Variants in CBLN2 observed in about 807,000 individuals in gnomAD.
The protein encoded by CBLN2 is cerebellin-2.
In CBLN2, 7 loss-of-function variants were observed where a neutral mutation model predicts 15.0. The observed-to-expected ratio is 0.47, with a 90% CI of 0.27 to 0.88. CBLN2 has a LOEUF of 0.88. Among genes scored for constraint, CBLN2 ranks in the 40% least tolerant of loss-of-function variants. CBLN2 has a pLI of 0.14. For synonymous variants in CBLN2, 149 were observed against 135.2 expected, an observed-to-expected ratio of 1.10 and a Z score of -0.71; for missense variants, 242 against 304.5, an observed-to-expected ratio of 0.79 and a Z score of 1.53.
chr18:72,606,284 C>T (rs1055431599), intron 1 of CBLN2, among the ~76,000 whole-genome samples: 2 of 152,204 alleles, frequency 1.3e-5, no homozygotes, highest in Non-Finnish European at 2.9e-5. Flanking sequence ...TCCAAAGCCA[C>T]TGTTATTACT....
At chr18:72,614,684 G>C (rs2069645287) in intron 1 of CBLN2, among the ~76,000 whole-genome samples, 1 of 152,058 alleles carries the variant, frequency 6.6e-6, no homozygotes, top group Non-Finnish European at 1.5e-5. Context: ...ACAAATCACT[G>C]ATTTAACATG....
chr18:72,543,375 T>TTC lies in CBLN2; in HGVS notation c.-167+109_-167+110dup. 1 of 394,658 alleles carries TTC rather than the reference T, an allele frequency of 2.5e-6. No individual in the cohort carries two copies. Among genetic ancestry groups the TTC allele is most frequent in the Non-Finnish European group, 4.5e-6 (1 of 223,618 alleles). The allele number at this position is 394,658 out of a possible 1,614,324, so 24.4% of individuals were successfully genotyped here. The stretch of plus-strand genomic sequence containing the variant: ...CAGCCCCGATCCTACATGATTTCCC[T>TTC]TCTCTCTCTCCACCTCCTCCACCCC... On this transcript the variant is annotated intron_variant, in intron 2 of 4. Coordinates refer to ENST00000269503, the MANE Select transcript of CBLN2 (RefSeq NM_182511.4). The surrounding 1 kb of genome is among the most constrained non-coding windows in gnomAD (Gnocchi z 6.8).
intron 1 of CBLN2, among the ~76,000 whole-genome samples, chr18:72,562,991 T>C (rs539795139): frequency 4.9e-4 from 74 of 152,344 alleles, no homozygotes; most frequent in African/African-American, 1.6e-3. Context: ...GTGGAAGTAA[T>C]ACCATTGTAA....
intron 1 of CBLN2, among the ~76,000 whole-genome samples, chr18:72,553,370 T>C (rs1034059258): frequency 1.3e-5 from 2 of 152,080 alleles, no homozygotes; most frequent in African/African-American, 2.4e-5. Context: ...CTTCTTTTTG[T>C]GGGCATAAAC....
At chr18:72,553,804 T>C (rs1301645586) in intron 1 of CBLN2, among the ~76,000 whole-genome samples, 3 of 152,206 alleles carry the variant, frequency 2.0e-5, no homozygotes, top group Admixed American at 6.5e-5. Context: ...GAAAACATTA[T>C]AGAGTGACAA....
intron 1 of CBLN2, among the ~76,000 whole-genome samples, chr18:72,621,503 C>T (rs2069700518): frequency 6.6e-6 from 1 of 152,008 alleles, no homozygotes; most frequent in South Asian, 2.1e-4. Context: ...TGTCTAAAAC[C>T]TTTTTGGATT....
upstream of CBLN2, among the ~76,000 whole-genome samples, chr18:72,548,271 A>G (rs1050159092): frequency 1.3e-5 from 2 of 152,242 alleles, no homozygotes; most frequent in South Asian, 2.1e-4. Flanking sequence ...CTGTTAATCC[A>G]AGTCAGAAGA....
intron 1 of CBLN2, among the ~76,000 whole-genome samples, chr18:72,622,709 T>A (rs1599027698): frequency 6.6e-6 from 1 of 152,310 alleles, no homozygotes; most frequent in East Asian, 1.9e-4. Context: ...AGCCTTATTT[T>A]GTGATTAAGA....
chr18:72,582,409 C>T (rs2069412131), intron 1 of CBLN2, among the ~76,000 whole-genome samples: 1 of 152,172 alleles, frequency 6.6e-6, no homozygotes, highest in Admixed American at 6.5e-5. Flanking sequence ...ATCACTCAAG[C>T]TGCCCCATAC....
At chr18:72,613,325 C>A (rs573320457) in intron 1 of CBLN2, among the ~76,000 whole-genome samples, 18 of 152,238 alleles carry the variant, frequency 1.2e-4, no homozygotes, top group African/African-American at 3.9e-4. Flanking sequence ...AGTGCCCAGA[C>A]CAGTGGGTTT....
chr18:72,554,750 C>T (rs998409868), intron 1 of CBLN2, among the ~76,000 whole-genome samples: 12 of 151,812 alleles, frequency 7.9e-5, no homozygotes, highest in African/African-American at 1.9e-4. Context: ...TCAATAAAAA[C>T]GTTAAAGAAA....
At chr18:72,585,459 G>C (rs762818784) in intron 1 of CBLN2, among the ~76,000 whole-genome samples, 1 of 152,188 alleles carries the variant, frequency 6.6e-6, no homozygotes, top group Non-Finnish European at 1.5e-5. Flanking sequence ...GCAGCACTCA[G>C]GGTAGAGGAA....
At chr18:72,546,427 G>A (rs2069158653), upstream of CBLN2, among the ~76,000 whole-genome samples, 3 of 150,604 alleles carry the variant, frequency 2.0e-5, no homozygotes, top group Non-Finnish European at 4.4e-5. Context: ...GTGACAGAGC[G>A]AGACGCTCTC....
chr18:72,562,815 C>T (rs778159185), intron 1 of CBLN2, among the ~76,000 whole-genome samples: 6 of 152,134 alleles, frequency 3.9e-5, no homozygotes, highest in Non-Finnish European at 5.9e-5. Context: ...AAGTTGGTTA[C>T]CTTAGTGATT....
Position 72,543,644 on chromosome 18 carries a change from C to G in CBLN2, c.-211-114G>C. 2.6e-6 allele frequency: 1 copy of G among 380,458 alleles called. No homozygotes were observed. The highest frequency in any genetic ancestry group is 4.5e-5 in the Admixed American group (1 of 22,098). The allele number at this position is 380,458 out of a possible 1,614,324, so 23.6% of individuals were successfully genotyped here. On this transcript the variant is annotated intron_variant, in intron 1 of 4. Transcript: ENST00000269503. The surrounding 1 kb of genome is among the most constrained non-coding windows in gnomAD (Gnocchi z 6.8). ...CGCCCCGCCCTGCCGCTTTCCCGCG[C>G]CAGCCTGCGCCGCTTCAGGGGTGCA...
intron 1 of CBLN2, among the ~76,000 whole-genome samples, chr18:72,615,599 G>C (rs1221078984): frequency 1.3e-5 from 2 of 152,128 alleles, no homozygotes; most frequent in East Asian, 3.9e-4. Flanking sequence ...TATAAGATGT[G>C]AATTAGAAGG....
intron 1 of CBLN2, among the ~76,000 whole-genome samples, chr18:72,609,700 C>A (rs560215669): frequency 2.0e-5 from 3 of 152,170 alleles, no homozygotes; most frequent in African/African-American, 7.2e-5. Context: ...CAGGTGCCAT[C>A]CCTGTCACTC....
intron 1 of CBLN2, among the ~76,000 whole-genome samples, chr18:72,553,719 G>C (rs144314825): frequency 5.9e-5 from 9 of 152,188 alleles, no homozygotes; most frequent in Non-Finnish European, 1.2e-4. Context: ...CCTAATCCTG[G>C]TCATAGAATG....
intron 1 of CBLN2, among the ~76,000 whole-genome samples, chr18:72,591,180 A>G (rs1277957829): frequency 2.0e-5 from 3 of 152,324 alleles, no homozygotes; most frequent in African/African-American, 7.2e-5. Context: ...CTACCCAGCT[A>G]GTCATAAGTT....
Sources: allele counts gnomAD v4.1 joint callset (sites outside exome capture counted in the v4.1 genomes callset), GRCh38; gene constraint gnomAD v4.1.1; non-coding constraint Gnocchi (gnomAD v3.1); transcripts MANE v1.5; gene names NCBI Gene and HGNC (gene_info 2026-07-23, HGNC 2026-07-21).